DPP6: variants seen among roughly 807,000 people sequenced by gnomAD.
The protein encoded by DPP6 is dipeptidyl peptidase like 6, also known as A-type potassium channel modulatory protein DPP6.
In DPP6, 69 loss-of-function variants were observed where a neutral mutation model predicts 122.6. The observed-to-expected ratio is 0.56, with a 90% CI of 0.46 to 0.69. The LOEUF (loss-of-function observed/expected upper bound fraction) is 0.69. Ranked by LOEUF, DPP6 falls within the 30% of genes least tolerant of loss-of-function variation. The pLI is 0.00. For missense variants in DPP6, 928 were observed against 1,116.9 expected (o/e 0.83, Z 2.41); for synonymous variants, 418 against 433.1 (o/e 0.97, Z 0.43).
rs71182894 is a variant in DPP6 at position 154,320,001 on chromosome 7, A to AATATATATAT, written c.244-126192_244-126183dup. Among the ~76,000 whole-genome samples, 421 of 139,254 alleles carry AATATATATAT rather than the reference A, an allele frequency of 3.0e-3. 6 individuals carry two copies. Among genetic ancestry groups the AATATATATAT allele is most frequent in the African/African-American group, 1.0e-2 (361 of 36,168 alleles). 91.4% of individuals were successfully genotyped at this position (139,254 alleles called of 152,430 possible). On this transcript the variant is annotated intron_variant, in intron 1 of 25. Coordinates refer to ENST00000377770, the MANE Select transcript of DPP6 (RefSeq NM_130797.4). ...GCAAGACTCTGTCTCAAATATTTCA[A>AATATATATAT]ATATATATATATATATATATATATA...
chr7:154,873,392 C>T (rs73487825), intron 19 of DPP6, among the ~76,000 whole-genome samples: 1,735 of 152,282 alleles, frequency 0.011, 34 homozygotes, highest in African/African-American at 0.04. Flanking sequence ...CAATGCACCT[C>T]CTGGTCTGTA....
the DPP6 span, among the ~76,000 whole-genome samples, chr7:153,816,981 C>G: frequency 6.6e-6 from 1 of 151,692 alleles, no homozygotes; most frequent in Non-Finnish European, 1.5e-5. Flanking sequence ...CTAAATAATT[C>G]AGGATGCATG....
chr7:154,284,637 T>A (rs574283214), intron 1 of DPP6, among the ~76,000 whole-genome samples: 4 of 152,196 alleles, frequency 2.6e-5, no homozygotes, highest in African/African-American at 9.6e-5. Context: ...GGCTGATCAC[T>A]TGAGGTCAGG....
Position 154,851,303 on chromosome 7 carries a change from G to A in DPP6, c.1667-2477G>A, listed in dbSNP as rs62473908. On this transcript the variant is annotated intron_variant, in intron 16 of 25. Coordinates refer to ENST00000377770, the MANE Select transcript of DPP6 (RefSeq NM_130797.4). ...ATCTACTTTGCAGAGCTGCTGTGAG[G>A]ATTTGATTAGAAATTATTCATAAAA... 8.6e-3 allele frequency among the ~76,000 whole-genome samples: 1,304 copies of A among 152,252 alleles called. 5 individuals are homozygous for A. Among genetic ancestry groups the A allele is most frequent in the Non-Finnish European group, 0.012 (805 of 68,018 alleles).
intron 1 of DPP6, among the ~76,000 whole-genome samples, chr7:154,325,935 A>G (rs1273891484): frequency 6.6e-6 from 1 of 152,190 alleles, no homozygotes; most frequent in African/African-American, 2.4e-5. Flanking sequence ...GGCATGCATC[A>G]TTTTAATTGA....
the DPP6 span, among the ~76,000 whole-genome samples, chr7:153,804,220 G>C: frequency 6.6e-6 from 1 of 151,600 alleles, no homozygotes; most frequent in Admixed American, 6.6e-5. Flanking sequence ...CAGCTAATTT[G>C]TTTGTATTTT....
chr7:154,442,665 GTTTTTTTCTTGAAA>G (rs1044589411), intron 1 of DPP6, among the ~76,000 whole-genome samples: 1 of 152,086 alleles, frequency 6.6e-6, no homozygotes, highest in African/African-American at 2.4e-5. Context: ...GGCAAAGGGT[GTTTTTTTCTTGAAA>G]ACAGAAGGCT....
chr7:154,357,946 CAAAAAAA>C (rs563436108), intron 1 of DPP6, among the ~76,000 whole-genome samples: 141 of 124,030 alleles, frequency 1.1e-3, no homozygotes, highest in African/African-American at 3.8e-3. Flanking sequence ...AACTTCGTCT[CAAAAAAA>C]AAAAAAAGAA....
chr7:154,405,709 C>T (rs1169814003), intron 1 of DPP6, among the ~76,000 whole-genome samples: 4 of 152,088 alleles, frequency 2.6e-5, no homozygotes, highest in Admixed American at 6.6e-5. Flanking sequence ...CCTGGGAAGG[C>T]CCCCGGCAGG....
the DPP6 span, among the ~76,000 whole-genome samples, chr7:153,771,938 T>G: frequency 1.3e-5 from 2 of 152,146 alleles, no homozygotes; most frequent in Non-Finnish European, 2.9e-5. Context: ...ACCTAATTGC[T>G]CCAAAAGATA....
chr7:154,879,926 G>A (rs986799953), intron 20 of DPP6, among the ~76,000 whole-genome samples: 1 of 152,198 alleles, frequency 6.6e-6, no homozygotes, highest in Non-Finnish European at 1.5e-5. Flanking sequence ...CGCACGCCAG[G>A]AAATCTCTTC....
the DPP6 span, among the ~76,000 whole-genome samples, chr7:153,766,039 A>G: frequency 1.1e-4 from 17 of 152,338 alleles, no homozygotes; most frequent in African/African-American, 3.8e-4. Flanking sequence ...CTATGACCAC[A>G]TTTTGAGTGG....
intron 1 of DPP6, among the ~76,000 whole-genome samples, chr7:154,077,555 A>G (rs1803648853): frequency 1.3e-5 from 2 of 152,178 alleles, no homozygotes; most frequent in South Asian, 4.1e-4. Flanking sequence ...AATGCCAGTG[A>G]AGTCTAGGAT....
chr7:154,062,000 G>A lies in DPP6; in HGVS notation c.243+8937G>A, dbSNP rs376782006. On this transcript the variant is annotated intron_variant, in intron 1 of 25. Transcript: ENST00000377770. ...ATCCCCTCTTCCGCCCCTGGCTGTTGGTACCCCCATCGCAGGGGGGGGGAG... is the reference window on the plus strand; with the variant it reads ...ATCCCCTCTTCCGCCCCTGGCTGTTAGTACCCCCATCGCAGGGGGGGGGAG... Among the ~76,000 whole-genome samples, 340 of 86,124 alleles carry A rather than the reference G, an allele frequency of 3.9e-3. 7 individuals are homozygous for A. The highest frequency in any genetic ancestry group is 0.037 in the Middle Eastern group (3 of 82). 56.5% of individuals were successfully genotyped at this position (86,124 alleles called of 152,430 possible).
chr7:153,836,954 G>A, the DPP6 span, among the ~76,000 whole-genome samples: 6 of 152,128 alleles, frequency 3.9e-5, no homozygotes, highest in East Asian at 1.9e-4. Context: ...TGGCTGCTGC[G>A]GAGGCTGGTC....
the DPP6 span, among the ~76,000 whole-genome samples, chr7:153,749,234 G>A: frequency 6.6e-6 from 1 of 152,188 alleles, no homozygotes; most frequent in South Asian, 2.1e-4. The surrounding 1 kb of genome is among the most constrained non-coding windows in gnomAD (Gnocchi z 4.1). Context: ...GCAGGGCTCT[G>A]CCCGTGCATC....
At chr7:154,055,405 C>G (rs1207917350) in intron 1 of DPP6, among the ~76,000 whole-genome samples, 2 of 149,384 alleles carry the variant, frequency 1.3e-5, no homozygotes, top group African/African-American at 5.0e-5. Context: ...CATATCAAAC[C>G]ACTTTTCCTC....
chr7:154,108,994 A>ACTTCTCTAT (rs1806363551), intron 1 of DPP6, among the ~76,000 whole-genome samples: 2 of 152,204 alleles, frequency 1.3e-5, no homozygotes, highest in Admixed American at 1.3e-4. Flanking sequence ...GCACATATGC[A>ACTTCTCTAT]GGTTTGTTAC....
chr7:154,733,364 C>T (rs1429983196), intron 8 of DPP6, among the ~76,000 whole-genome samples: 1 of 152,254 alleles, frequency 6.6e-6, no homozygotes, highest in African/African-American at 2.4e-5. Context: ...GAGCACCAAA[C>T]CCTGGTGGTG....
Sources: gnomAD v4.1 joint callset for allele counts (sites outside exome capture counted in the v4.1 genomes callset) on GRCh38, gnomAD v4.1.1 for gene constraint, Gnocchi (gnomAD v3.1) non-coding constraint, MANE v1.5 for transcripts, NCBI Gene and HGNC (gene_info 2026-07-23, HGNC 2026-07-21) for gene names.